DSCAM: variants seen among roughly 807,000 people sequenced by gnomAD.
DSCAM encodes the protein DS cell adhesion molecule.
Under a neutral mutation model 217.7 loss-of-function variants are expected in DSCAM, and 47 were observed. The observed-to-expected ratio is 0.22, with a 90% CI of 0.17 to 0.28. The LOEUF is 0.28. DSCAM is among the 10% of genes least tolerant of loss of function. DSCAM has a pLI of 1.00. For synonymous variants in DSCAM, 1,056 were observed against 1,015.3 expected (o/e 1.04, Z -0.76); for missense variants, 2,080 against 2,618.3 (o/e 0.79, Z 4.49).
At chr21:40,188,178 C>T (rs1051285271) in intron 12 of DSCAM, among the ~76,000 whole-genome samples, 191 bp from the exon 13 acceptor site, 2 of 152,092 alleles carry the variant, frequency 1.3e-5, no homozygotes, top group African/African-American at 2.4e-5. Context: ...CACACATGCA[C>T]GTATCCCTCT....
intron 3 of DSCAM, among the ~76,000 whole-genome samples, chr21:40,609,319 A>G (rs999397468): frequency 6.6e-6 from 1 of 152,218 alleles, no homozygotes; most frequent in Admixed American, 6.5e-5. Flanking sequence ...AGAAAGAGTG[A>G]AACTATGCAC....
chr21:40,232,675 A>G (rs1265250469), intron 11 of DSCAM, among the ~76,000 whole-genome samples: 1 of 152,174 alleles, frequency 6.6e-6, no homozygotes, highest in Non-Finnish European at 1.5e-5. Context: ...TTTTTATGGT[A>G]AGAAATCTGT....
intron 8 of DSCAM, among the ~76,000 whole-genome samples, chr21:40,313,216 T>A (rs568864368): frequency 6.6e-6 from 1 of 152,362 alleles, no homozygotes; most frequent in East Asian, 1.9e-4. Context: ...TAAATTCTTA[T>A]TTCATATTAG....
intron 11 of DSCAM, among the ~76,000 whole-genome samples, chr21:40,247,197 TG>T (rs556619706): frequency 6.6e-6 from 1 of 151,982 alleles, no homozygotes; most frequent in African/African-American, 2.4e-5. Context: ...TGAGATTTGG[TG>T]GGGGGGCACA....
At chr21:40,251,014 C>T (rs1034907507) in intron 11 of DSCAM, among the ~76,000 whole-genome samples, 1 of 151,932 alleles carries the variant, frequency 6.6e-6, no homozygotes, top group African/African-American at 2.4e-5. Context: ...GAGTGGAGGC[C>T]TTTTTGCAGA....
At chr21:40,670,895 TCAAA>T (rs1259120078) in intron 3 of DSCAM, among the ~76,000 whole-genome samples, 5 of 152,036 alleles carry the variant, frequency 3.3e-5, no homozygotes, top group Non-Finnish European at 7.4e-5. Context: ...CACAATCAAC[TCAAA>T]CAAACAGAAG....
chr21:40,238,430 G>T (rs2146937019), intron 11 of DSCAM, among the ~76,000 whole-genome samples: 1 of 152,312 alleles, frequency 6.6e-6, no homozygotes. Context: ...CCAGGGAGGT[G>T]GTAGAGCTGG....
chr21:40,684,400 T>C (rs1416973227), intron 3 of DSCAM, among the ~76,000 whole-genome samples: 1 of 152,014 alleles, frequency 6.6e-6, no homozygotes, highest in African/African-American at 2.4e-5. Flanking sequence ...CTGGATGGTT[T>C]ACTCCATCCT....
At chr21:40,357,124 G>A (rs2074702135) in intron 4 of DSCAM, among the ~76,000 whole-genome samples, 2 of 152,110 alleles carry the variant, frequency 1.3e-5, no homozygotes, top group African/African-American at 4.8e-5. Context: ...TCATTCATAT[G>A]CATGACTATA....
intron 3 of DSCAM, among the ~76,000 whole-genome samples, chr21:40,611,089 C>T (rs904256526): frequency 2.3e-5 from 3 of 129,738 alleles, no homozygotes; most frequent in Non-Finnish European, 4.8e-5. Context: ...GATGGAGACT[C>T]ACCGTGTCGT....
At chr21:40,636,797 A>G (rs1385891926) in intron 3 of DSCAM, among the ~76,000 whole-genome samples, 3 of 148,812 alleles carry the variant, frequency 2.0e-5, no homozygotes. Flanking sequence ...TCATTCAACA[A>G]CCACTCCATA....
intron 1 of DSCAM, among the ~76,000 whole-genome samples, chr21:40,760,682 A>G (rs1048755885): frequency 2.0e-5 from 3 of 152,342 alleles, no homozygotes; most frequent in Admixed American, 6.5e-5. Flanking sequence ...GCTTTCCTGC[A>G]AATCTCTCCT....
At chr21:40,186,713 A>G (rs1028937092) in intron 14 of DSCAM, among the ~76,000 whole-genome samples, 2 of 152,214 alleles carry the variant, frequency 1.3e-5, no homozygotes, top group African/African-American at 2.4e-5. Context: ...CACCAAGCAC[A>G]GCTTGAGCTC....
At chr21:40,155,643 G>T (rs971913328) in intron 16 of DSCAM, among the ~76,000 whole-genome samples, 1 of 152,146 alleles carries the variant, frequency 6.6e-6, no homozygotes, top group Non-Finnish European at 1.5e-5. Flanking sequence ...TAGTTTTGCG[G>T]GATGGGAGAA....
chr21:40,126,265 GA>G (rs1490520449), intron 19 of DSCAM, among the ~76,000 whole-genome samples: 1 of 146,826 alleles, frequency 6.8e-6, no homozygotes, highest in Non-Finnish European at 1.5e-5. Context: ...AAAGAGGGAA[GA>G]AAAAAGAAAG....
chr21:40,019,149 T>C (rs938678425), intron 32 of DSCAM, among the ~76,000 whole-genome samples: 2 of 152,258 alleles, frequency 1.3e-5, no homozygotes, highest in Non-Finnish European at 2.9e-5. Flanking sequence ...ACCTGGATTC[T>C]CTAATTGTCC....
chr21:40,018,218 T>C (rs998702385), intron 32 of DSCAM, among the ~76,000 whole-genome samples: 2 of 152,232 alleles, frequency 1.3e-5, no homozygotes, highest in Non-Finnish European at 2.9e-5. Context: ...TCCTTTTGTA[T>C]GTGAATCAAT....
chr21:40,337,463 G>A (rs533102046), intron 8 of DSCAM, among the ~76,000 whole-genome samples: 103 of 152,270 alleles, frequency 6.8e-4, no homozygotes, highest in Non-Finnish European at 1.3e-3. Context: ...AAAAGTCTGC[G>A]TATCCTTGGA....
In DSCAM at chr21:40,235,771, G is replaced by GA. The variant is rs926753778; in HGVS notation, c.2356+40325dup. On this transcript the variant is annotated intron_variant, in intron 11 of 32. Transcript: ENST00000400454. Reference sequence around the variant, plus strand: ...ATCACCAGGCTTGCATTCCTTTTCAGAAAAAAAAAAAAATCAGGTCCCTTT... The same window carrying GA: ...ATCACCAGGCTTGCATTCCTTTTCAGAAAAAAAAAAAAAATCAGGTCCCTTT... Among the ~76,000 whole-genome samples, 484 of 137,938 alleles carry GA rather than the reference G, an allele frequency of 3.5e-3. 2 individuals are homozygous for GA. Among genetic ancestry groups the GA allele is most frequent in the East Asian group, 0.013 (60 of 4,800 alleles). 90.5% of individuals were successfully genotyped at this position (137,938 alleles called of 152,430 possible).
Sources: gnomAD v4.1 joint callset for allele counts (sites outside exome capture counted in the v4.1 genomes callset) on GRCh38, gnomAD v4.1.1 for gene constraint, MANE v1.5 for transcripts, NCBI Gene and HGNC (gene_info 2026-07-23, HGNC 2026-07-21) for gene names.